SLC25A48: variants seen among roughly 807,000 people sequenced by gnomAD.
The protein encoded by SLC25A48 is CTC-321K16.1.
A neutral mutation model predicts 32.2 loss-of-function variants in SLC25A48; 29 were observed. The observed-to-expected ratio is 0.90, with a 90% CI of 0.67 to 1.23. The LOEUF (loss-of-function observed/expected upper bound fraction) is 1.23. Among genes scored for constraint, SLC25A48 ranks in the 50% most tolerant of loss-of-function variants. SLC25A48 has a pLI of 0.00. For synonymous variants in SLC25A48, 164 were observed against 172.3 expected (o/e 0.95, Z 0.38); for missense variants, 399 against 422.7 (o/e 0.94, Z 0.49).
chr5:135,729,814 G>A (rs1755182283), intron 3 of SLC25A48, among the ~76,000 whole-genome samples: 1 of 152,162 alleles, frequency 6.6e-6, no homozygotes, highest in African/African-American at 2.4e-5. Flanking sequence ...TATAAAATTT[G>A]TGTTAAAGTA....
chr5:135,696,394 C>T (rs1213350389), intron 3 of SLC25A48, among the ~76,000 whole-genome samples: 1 of 152,192 alleles, frequency 6.6e-6, no homozygotes, highest in Non-Finnish European at 1.5e-5. Context: ...CTTGGATCAC[C>T]TGTGCCAAAT....
rs11738809 is a variant in SLC25A48, at chr5:135,642,144, G to C, written c.-521+7188G>C. Reference sequence around the variant, plus strand: ...ATCAAATTGGTTTGGACCTTCGCACGCTTGGGGGCCAGTTCTGACATCTAC... The same window carrying C: ...ATCAAATTGGTTTGGACCTTCGCACCCTTGGGGGCCAGTTCTGACATCTAC... On this transcript the variant is annotated intron_variant, in intron 3 of 10. Transcript: ENST00000646290. Among the ~76,000 whole-genome samples, 9 of 152,132 alleles carry C rather than the reference G, an allele frequency of 5.9e-5. No individual in the cohort carries two copies. The South Asian group carries it at 6.2e-4, about 11-fold the overall frequency.
chr5:135,852,544 C>T lies in SLC25A48; in HGVS notation c.163-19C>T. On this transcript the variant is annotated intron_variant, in intron 3 of 7. Transcript: ENST00000681962. ...CAGCCCGGGGTCCTCACGCCTCTTC[C>T]TTCTGGTTTTCACTGCAGATGTTCG... 2 of 1,582,590 alleles carry T rather than the reference C, an allele frequency of 1.3e-6. No individual in the cohort carries two copies. The highest frequency in any genetic ancestry group is 8.6e-7 in the Non-Finnish European group (1 of 1,157,858).
intron 3 of SLC25A48, among the ~76,000 whole-genome samples, chr5:135,673,302 C>A (rs7709847): frequency 6.6e-6 from 1 of 152,056 alleles, no homozygotes. Context: ...CAAATATATG[C>A]CAAACTGTTG....
chr5:135,696,408 G>T (rs1296150561), intron 3 of SLC25A48, among the ~76,000 whole-genome samples: 2 of 152,206 alleles, frequency 1.3e-5, no homozygotes, highest in Non-Finnish European at 2.9e-5. Flanking sequence ...GCCAAATTCT[G>T]TGCCAGATAC....
chr5:135,872,643 C>A (rs894650056), intron 5 of SLC25A48: 4 of 152,186 alleles, frequency 2.6e-5, no homozygotes, highest in African/African-American at 7.2e-5. Flanking sequence ...TAATGAGGAA[C>A]AGAGAAACAG....
chr5:135,634,561 A>G (rs906014372), intron 2 of SLC25A48, among the ~76,000 whole-genome samples: 11 of 152,268 alleles, frequency 7.2e-5, no homozygotes, highest in African/African-American at 2.2e-4. Flanking sequence ...AGAGAAGGTC[A>G]TAAAAGACTG....
chr5:135,860,690 C>T (rs1292603814), intron 4 of SLC25A48, among the ~76,000 whole-genome samples: 7 of 152,178 alleles, frequency 4.6e-5, no homozygotes, highest in South Asian at 2.1e-4. Context: ...CTGTGGTCTG[C>T]GCCCTGGGTC....
chr5:135,620,706 G>A lies in SLC25A48; in HGVS notation c.-848-8531G>A, dbSNP rs367865631. On this transcript the variant is annotated intron_variant, in intron 1 of 10. Transcript: ENST00000646290. ...CAGGACAGGACACAGTCTAGTGGGA[G>A]CTAGGCTCTTAAAATGGCATTGTGC... is the stretch of plus-strand genomic sequence containing the variant. 1.8e-4 allele frequency among the ~76,000 whole-genome samples: 27 copies of A among 152,236 alleles called. 1 individual carries two copies. The highest frequency in any genetic ancestry group is 6.3e-4 in the African/African-American group (26 of 41,544).
intron 3 of SLC25A48, among the ~76,000 whole-genome samples, chr5:135,781,462 C>A (rs1472186734): frequency 8.6e-6 from 1 of 116,014 alleles, no homozygotes; most frequent in African/African-American, 2.6e-5. Flanking sequence ...TTTGTAATAT[C>A]CAGGAAGGGA....
intron 3 of SLC25A48, among the ~76,000 whole-genome samples, chr5:135,675,751 T>G (rs193204193): frequency 6.6e-6 from 1 of 152,134 alleles, no homozygotes; most frequent in African/African-American, 2.4e-5. Flanking sequence ...GACATTTGTA[T>G]TTTGATAGGG....
At chr5:135,618,341 A>G (rs1209270214) in intron 1 of SLC25A48, among the ~76,000 whole-genome samples, 2 of 151,888 alleles carry the variant, frequency 1.3e-5, no homozygotes, top group African/African-American at 4.8e-5. Flanking sequence ...GGCAGAAAAT[A>G]GGTGGATCAT....
At chr5:135,731,221 A>G (rs549607699) in intron 3 of SLC25A48, among the ~76,000 whole-genome samples, 25 of 151,630 alleles carry the variant, frequency 1.6e-4, no homozygotes, top group Non-Finnish European at 3.4e-4. Context: ...TCAATGGGGG[A>G]GATTTTGAGC....
At chr5:135,763,425 G>T (rs1359482394) in intron 3 of SLC25A48, among the ~76,000 whole-genome samples, 1 of 152,060 alleles carries the variant, frequency 6.6e-6, no homozygotes, top group Non-Finnish European at 1.5e-5. Context: ...CCTGCCCGTA[G>T]TGGGCACCCA....
chr5:135,764,977 A>G (rs528585869), intron 3 of SLC25A48, among the ~76,000 whole-genome samples: 1 of 151,906 alleles, frequency 6.6e-6, no homozygotes, highest in East Asian at 2.0e-4. Flanking sequence ...TCCCTGTGAT[A>G]TGGTTCATAA....
chr5:135,813,618 T>C (rs1757642479), intron 4 of SLC25A48, among the ~76,000 whole-genome samples: 1 of 152,194 alleles, frequency 6.6e-6, no homozygotes, highest in South Asian at 2.1e-4. Context: ...AAAGGGGACA[T>C]TACTCTGAAA....
chr5:135,840,123 T>C (rs1223299710), intron 1 of SLC25A48, among the ~76,000 whole-genome samples: 3 of 152,198 alleles, frequency 2.0e-5, no homozygotes, highest in African/African-American at 7.2e-5. Flanking sequence ...TGTGTAGGTA[T>C]TTTTTTCTGT....
intron 3 of SLC25A48, among the ~76,000 whole-genome samples, chr5:135,735,007 C>G (rs906525674): frequency 7.9e-5 from 12 of 152,082 alleles, no homozygotes; most frequent in Non-Finnish European, 1.3e-4. Flanking sequence ...TCCAGGGGCT[C>G]TGGGAGTGGC....
intron 3 of SLC25A48, among the ~76,000 whole-genome samples, chr5:135,684,938 C>G (rs888265249): frequency 6.6e-6 from 1 of 152,160 alleles, no homozygotes; most frequent in African/African-American, 2.4e-5. Flanking sequence ...AGTCAACTTA[C>G]AGGGCCAAAA....
Sources: gnomAD v4.1 joint callset for allele counts (sites outside exome capture counted in the v4.1 genomes callset) on GRCh38, gnomAD v4.1.1 for gene constraint, MANE v1.5 for transcripts, NCBI Gene and HGNC (gene_info 2026-07-23, HGNC 2026-07-21) for gene names.